The following MARK3 variants were observed in gnomAD, a reference collection of about 807,000 sequenced individuals.
The protein encoded by MARK3 is microtubule affinity regulating kinase 3, also known as MAP/microtubule affinity-regulating kinase 3.
Under a neutral mutation model 90.1 loss-of-function variants are expected in MARK3, and 46 were observed. That is an observed-to-expected ratio of 0.51 (90% CI 0.40 to 0.65). The LOEUF (loss-of-function observed/expected upper bound fraction) is 0.65. MARK3 is among the 30% of genes least tolerant of loss of function. The pLI is 0.00. For missense variants in MARK3, 818 were observed against 947.2 expected, an observed-to-expected ratio of 0.86 and a Z score of 1.79; for synonymous variants, 321 against 332.6, an observed-to-expected ratio of 0.97 and a Z score of 0.38.
chr14:103,469,457 C>T (rs907388921), intron 12 of MARK3, among the ~76,000 whole-genome samples: 1 of 151,768 alleles, frequency 6.6e-6, no homozygotes, highest in Admixed American at 6.6e-5. Flanking sequence ...GATGGGATTA[C>T]AGGTGTGAGC....
At chr14:103,427,159 A>G (rs958339631) in intron 2 of MARK3, among the ~76,000 whole-genome samples, 1 of 45,352 alleles carries the variant, frequency 2.2e-5, no homozygotes, top group Non-Finnish European at 4.6e-5. Flanking sequence ...TGAAGCCCCA[A>G]TTTTCTTTTT....
intron 2 of MARK3, among the ~76,000 whole-genome samples, chr14:103,423,876 C>T (rs1012503787): frequency 8.5e-5 from 13 of 152,160 alleles, no homozygotes; most frequent in African/African-American, 2.9e-4. Flanking sequence ...GCTTCAGAGG[C>T]TATTGAATAG....
chr14:103,413,375 G>T (rs1270320284), intron 2 of MARK3, among the ~76,000 whole-genome samples: 2 of 149,012 alleles, frequency 1.3e-5, no homozygotes, highest in Non-Finnish European at 3.0e-5. Flanking sequence ...GGAAACTTTT[G>T]ATCTCTCATT....
At chr14:103,445,325 A>G (rs936341432) in intron 3 of MARK3, among the ~76,000 whole-genome samples, 1 of 152,222 alleles carries the variant, frequency 6.6e-6, no homozygotes, top group African/African-American at 2.4e-5. Flanking sequence ...TATGCGTCAG[A>G]CACAGCAGGC....
intron 1 of MARK3, among the ~76,000 whole-genome samples, chr14:103,393,181 C>T (rs964334403): frequency 6.6e-6 from 1 of 152,106 alleles, no homozygotes; most frequent in Admixed American, 6.5e-5. Flanking sequence ...CTGGGTTTCA[C>T]CATGTTGGCA....
At chr14:103,467,948 G>T in intron 11 of MARK3, 85 bp from the exon 12 acceptor site, 1 of 1,342,444 alleles carries the variant, frequency 7.4e-7, no homozygotes. Flanking sequence ...TTTATGAGAG[G>T]TCTGTGTTAA....
intron 1 of MARK3, among the ~76,000 whole-genome samples, chr14:103,396,981 C>T (rs1436234024): frequency 6.6e-6 from 1 of 151,712 alleles, no homozygotes; most frequent in Non-Finnish European, 1.5e-5. Context: ...GATATAAAGC[C>T]TTTTTATATT....
intron 17 of MARK3, among the ~76,000 whole-genome samples, chr14:103,500,643 T>A (rs1035065482): frequency 2.6e-5 from 4 of 152,178 alleles, no homozygotes; most frequent in Non-Finnish European, 4.4e-5. Context: ...CTTTTTTTTT[T>A]TTCTGAGACA....
intron 3 of MARK3, among the ~76,000 whole-genome samples, chr14:103,446,630 A>G (rs760804222): frequency 6.6e-6 from 1 of 151,484 alleles, no homozygotes; most frequent in Non-Finnish European, 1.5e-5. Flanking sequence ...CAGGGATGCC[A>G]TGGCCATGGT....
At chr14:103,463,198 G>A (rs72708893) in intron 7 of MARK3, among the ~76,000 whole-genome samples, 39,016 of 149,694 alleles carry the variant, frequency 0.26, 6,253 homozygotes, top group Middle Eastern at 0.44. Context: ...TCAGATACAC[G>A]CTTTTTCTCT....
At chr14:103,416,362 G>A (rs1391053480) in intron 2 of MARK3, among the ~76,000 whole-genome samples, 1 of 152,152 alleles carries the variant, frequency 6.6e-6, no homozygotes, top group Admixed American at 6.6e-5. Context: ...CTCTACTAAT[G>A]GGGATAATCT....
intron 5 of MARK3, among the ~76,000 whole-genome samples, chr14:103,455,661 G>A (rs1012568829): frequency 8.7e-5 from 13 of 149,820 alleles, no homozygotes; most frequent in Admixed American, 7.4e-4. Flanking sequence ...GTTGGAGGCA[G>A]AGGTTGCAGT....
At chr14:103,489,819 G>A (rs1566934655) in intron 14 of MARK3, 5 of 152,220 alleles carry the variant, frequency 3.3e-5, no homozygotes, top group Admixed American at 3.3e-4. Flanking sequence ...ATGTGTCCCA[G>A]TGAGACTCCT....
chr14:103,468,913 G>A (rs1236599932), intron 12 of MARK3, among the ~76,000 whole-genome samples: 1 of 151,552 alleles, frequency 6.6e-6, no homozygotes, highest in East Asian at 1.9e-4. Context: ...ACAGACGTGA[G>A]CCACCATGCC....
intron 3 of MARK3, among the ~76,000 whole-genome samples, chr14:103,446,962 G>T (rs1347427671): frequency 2.0e-5 from 3 of 152,068 alleles, no homozygotes; most frequent in Admixed American, 6.5e-5. Flanking sequence ...GAATTTACTT[G>T]GGTGACTATC....
At chr14:103,432,176 G>A (rs2092602620) in intron 3 of MARK3, among the ~76,000 whole-genome samples, 1 of 152,170 alleles carries the variant, frequency 6.6e-6, no homozygotes, top group Non-Finnish European at 1.5e-5. Context: ...ATTCATCCAA[G>A]TTGATACTGC....
intron 1 of MARK3, among the ~76,000 whole-genome samples, chr14:103,392,895 C>T (rs12436759): frequency 0.35 from 52,624 of 151,594 alleles, 9,647 homozygotes; most frequent in East Asian, 0.5. Context: ...CTGCAACCTC[C>T]GCCTCCCGGG....
At position 103,479,319 on chromosome 14, in the gene MARK3, C is replaced by G. The variant is rs193249984; in HGVS notation, c.1483-1068C>G. Among the ~76,000 whole-genome samples the G allele has an allele frequency of 6.6e-4, 101 of 152,250 alleles. 1 individual carries two copies. The East Asian group carries it at 0.013, about 19-fold the overall frequency. On this transcript the variant is annotated intron_variant, in intron 13 of 17. Transcript: ENST00000429436. ...AAGTGCTGGGATTATAGGTGTTAGC[C>G]TCTGCACCTGGCTGTGTTTTCATTT...
intron 3 of MARK3, among the ~76,000 whole-genome samples, chr14:103,434,577 T>G (rs1850231798): frequency 6.6e-6 from 1 of 152,226 alleles, no homozygotes; most frequent in African/African-American, 2.4e-5. Context: ...GTTCGCAGTT[T>G]GAATGTCTCT....
Sources: allele counts gnomAD v4.1 joint callset (sites outside exome capture counted in the v4.1 genomes callset), GRCh38; gene constraint gnomAD v4.1.1; transcripts MANE v1.5; gene names NCBI Gene and HGNC (gene_info 2026-07-23, HGNC 2026-07-21).